Variants in SETD3 observed in about 807,000 individuals in gnomAD.
The protein encoded by SETD3 is SET domain containing 3, actin N3(tau)-histidine methyltransferase.
Under a neutral mutation model 63.0 loss-of-function variants are expected in SETD3, and 19 were observed. The observed-to-expected ratio is 0.30, with a 90% CI of 0.21 to 0.44. The LOEUF (loss-of-function observed/expected upper bound fraction) is 0.44, where lower values mean the gene tolerates loss of function less well. SETD3 is among the 20% of genes least tolerant of loss of function. SETD3 has a pLI of 1.00. For synonymous variants in SETD3, 286 were observed against 264.1 expected (o/e 1.08, Z -0.80); for missense variants, 587 against 728.5 (o/e 0.81, Z 2.24).
chr14:99,434,862 A>C (rs1433741840), intron 6 of SETD3, among the ~76,000 whole-genome samples: 6 of 150,168 alleles, frequency 4.0e-5, no homozygotes, highest in African/African-American at 1.2e-4. Context: ...AAAAAAAAAA[A>C]AAAAAAAAAA....
intron 4 of SETD3, 116 bp downstream of exon 4, chr14:99,461,076 A>T: frequency 7.8e-7 from 1 of 1,277,964 alleles, no homozygotes; most frequent in Non-Finnish European, 1.1e-6. Context: ...CTATCTGCCC[A>T]CAGGCTCAGA....
At chr14:99,412,036 T>G (rs909038501) in intron 8 of SETD3, 1 of 152,252 alleles carries the variant, frequency 6.6e-6, no homozygotes, top group Admixed American at 6.5e-5. Flanking sequence ...CATTTCTTTA[T>G]TCTATTTATA....
chr14:99,463,192 G>A (rs1456463454), intron 3 of SETD3, among the ~76,000 whole-genome samples: 2 of 152,136 alleles, frequency 1.3e-5, no homozygotes, highest in Non-Finnish European at 2.9e-5. Flanking sequence ...AGGAAATAAC[G>A]GTATAATACT....
chr14:99,425,593 C>T (rs758327512), intron 6 of SETD3, among the ~76,000 whole-genome samples: 4 of 152,336 alleles, frequency 2.6e-5, no homozygotes, highest in South Asian at 2.1e-4. Flanking sequence ...GCTTTGTACA[C>T]GGCAGGTGCA....
chr14:99,483,286 C>T (rs971503384), upstream of SETD3, among the ~76,000 whole-genome samples: 5 of 152,012 alleles, frequency 3.3e-5, no homozygotes, highest in African/African-American at 1.2e-4. Context: ...TGGTGGCTCA[C>T]GCTTATAATA....
At chr14:99,442,739 G>C (rs1893897896) in intron 6 of SETD3, among the ~76,000 whole-genome samples, 1 of 152,166 alleles carries the variant, frequency 6.6e-6, no homozygotes, top group Non-Finnish European at 1.5e-5. Flanking sequence ...TTGCGTTACT[G>C]GTAAGGCCTC....
chr14:99,415,972 C>T (rs907867620), intron 6 of SETD3, among the ~76,000 whole-genome samples: 2 of 152,172 alleles, frequency 1.3e-5, no homozygotes, highest in Non-Finnish European at 2.9e-5. Flanking sequence ...AAACCAAAAA[C>T]TGGGCTTATC....
intron 6 of SETD3, among the ~76,000 whole-genome samples, chr14:99,445,501 C>G (rs146301490): frequency 6.6e-6 from 1 of 152,338 alleles, no homozygotes; most frequent in Non-Finnish European, 1.5e-5. Context: ...CCTCTAACCC[C>G]TTCCTCCTTT....
At chr14:99,453,886 G>A (rs1043930945) in intron 6 of SETD3, among the ~76,000 whole-genome samples, 3 of 151,996 alleles carry the variant, frequency 2.0e-5, no homozygotes, top group African/African-American at 7.2e-5. Flanking sequence ...TTCACAGCTG[G>A]TTAGTTTTAC....
At chr14:99,423,759 C>A (rs888470052) in intron 6 of SETD3, among the ~76,000 whole-genome samples, 1 of 151,962 alleles carries the variant, frequency 6.6e-6, no homozygotes, top group South Asian at 2.1e-4. Flanking sequence ...TCTGGAAGAA[C>A]AAAGAAGCAA....
upstream of SETD3, chr14:99,481,404 T>C (rs1170170977): frequency 1.0e-5 from 4 of 398,514 alleles, no homozygotes; most frequent in Non-Finnish European, 1.3e-5. Context: ...ATGACGTAGG[T>C]CCCCGACATT....
At position 99,442,807 on chromosome 14, in the gene SETD3, G is replaced by C. The variant is rs148693608; in HGVS notation, c.675+15472C>G. ...AAGTTATATGGATTTCGACTGCATG[G>C]GGTGGGGTCAGCATCACTGCCCCCT... On this transcript the variant is annotated intron_variant, in intron 6 of 12. Transcript: ENST00000331768. Among the ~76,000 whole-genome samples, 697 of 152,290 alleles carry C rather than the reference G, an allele frequency of 4.6e-3. 2 individuals carry two copies. Among genetic ancestry groups the C allele is most frequent in the Admixed American group, 8.2e-3 (126 of 15,292 alleles).
At chr14:99,465,597 G>C (rs920348522) in intron 2 of SETD3, 106 bp downstream of exon 2, 3 of 860,666 alleles carry the variant, frequency 3.5e-6, no homozygotes, top group African/African-American at 1.7e-5. Flanking sequence ...AATAAGCTTG[G>C]ACCTGAATAC....
chr14:99,439,724 AT>A (rs1893693032), intron 6 of SETD3, among the ~76,000 whole-genome samples: 1 of 148,226 alleles, frequency 6.7e-6, no homozygotes, highest in South Asian at 2.1e-4. Context: ...AAATATATGT[AT>A]TTATATTTTT....
At chr14:99,401,469 C>T (rs746547568) in intron 11 of SETD3, among the ~76,000 whole-genome samples, 1 of 152,144 alleles carries the variant, frequency 6.6e-6, no homozygotes, top group Non-Finnish European at 1.5e-5. Context: ...TGCCAGCAAA[C>T]CAAACTTTTA....
intron 6 of SETD3, among the ~76,000 whole-genome samples, chr14:99,447,581 G>A (rs1398213401): frequency 1.3e-5 from 2 of 152,190 alleles, no homozygotes; most frequent in Non-Finnish European, 2.9e-5. Context: ...ATCACGAACA[G>A]GCAAGGTCAC....
upstream of SETD3, among the ~76,000 whole-genome samples, chr14:99,485,074 A>C (rs1360156119): frequency 1.3e-5 from 2 of 152,184 alleles, no homozygotes; most frequent in African/African-American, 4.8e-5. Flanking sequence ...AGGTTTATAG[A>C]CCTGAGGCAA....
chr14:99,462,709 T>C (rs1363398623), intron 3 of SETD3, among the ~76,000 whole-genome samples: 2 of 152,182 alleles, frequency 1.3e-5, no homozygotes, highest in African/African-American at 4.8e-5. Flanking sequence ...ACTCACCATT[T>C]TGGAGTCTGA....
chr14:99,434,476 C>T (rs552592024), intron 6 of SETD3, among the ~76,000 whole-genome samples: 60 of 151,840 alleles, frequency 4.0e-4, no homozygotes, highest in African/African-American at 1.2e-3. Context: ...GGGGCACTGA[C>T]GGGGAAAAGA....
Sources: allele counts gnomAD v4.1 joint callset (sites outside exome capture counted in the v4.1 genomes callset), GRCh38; gene constraint gnomAD v4.1.1; transcripts MANE v1.5; gene names NCBI Gene and HGNC (gene_info 2026-07-23, HGNC 2026-07-21).